Variants in CSF2RB observed in about 807,000 individuals in gnomAD.
CSF2RB encodes the protein cytokine receptor common subunit beta.
Under a neutral mutation model 67.2 loss-of-function variants are expected in CSF2RB, and 22 were observed. The observed-to-expected ratio is 0.33, with a 90% CI of 0.23 to 0.47. The LOEUF (loss-of-function observed/expected upper bound fraction) is 0.47, where lower values mean the gene tolerates loss of function less well. CSF2RB is among the 20% of genes least tolerant of loss of function. CSF2RB has a pLI of 1.00. For missense variants in CSF2RB, 1,113 were observed against 1,174.5 expected (o/e 0.95, Z 0.76); for synonymous variants, 507 against 482.9 (o/e 1.05, Z -0.65).
At chr22:36,918,207 T>G (rs1263905617) in intron 1 of CSF2RB, among the ~76,000 whole-genome samples, 1 of 152,262 alleles carries the variant, frequency 6.6e-6, no homozygotes, top group African/African-American at 2.4e-5. Context: ...GAGTAATTTC[T>G]TTCAGAAAAG....
intron 3 of CSF2RB, among the ~76,000 whole-genome samples, chr22:36,925,333 A>C (rs1337159525): frequency 6.6e-6 from 1 of 152,124 alleles, no homozygotes; most frequent in Non-Finnish European, 1.5e-5. Flanking sequence ...AAGCCTCGTA[A>C]CTGGGCTCCC....
chr22:36,936,842 A>G (rs1941277726), intron 13 of CSF2RB, among the ~76,000 whole-genome samples, 190 bp downstream of exon 13: 1 of 152,164 alleles, frequency 6.6e-6, no homozygotes, highest in African/African-American at 2.4e-5. Context: ...CAGGTAAGGA[A>G]GTGCCAGACA....
At chr22:36,918,416 T>G (rs1417356235) in intron 1 of CSF2RB, among the ~76,000 whole-genome samples, 1 of 152,308 alleles carries the variant, frequency 6.6e-6, no homozygotes, top group East Asian at 1.9e-4. Flanking sequence ...GTATCCTATT[T>G]GTTTTCTTCT....
rs570696362 is a variant in CSF2RB at position 36,937,786 on chromosome 22, CA to C, written c.1979del (p.Gln660ArgfsTer38). 1.3e-4 allele frequency: 211 copies of C among 1,586,144 alleles called. 2 individuals carry two copies. The East Asian group carries it at 4.7e-3, about 36-fold the overall frequency. On this transcript the variant is annotated frameshift_variant, in exon 14 of 14. Coordinates refer to ENST00000403662, the MANE Select transcript of CSF2RB (RefSeq NM_000395.3). LOFTEE classifies it low-confidence loss of function (END_TRUNC). This position sits in a 1 kb window ranked among gnomAD's most constrained non-coding sequence, Gnocchi z 4.6. Reference protein sequence around the residue: ...QAVEVERRPSQGAAGSPSLES... With the variant: ...QAVEVERRPSXGAAGSPSLES... ...CGTGGAAGTGGAGAGAAGGCCGAGC[CA>C]GGGGGCTGCAGGGAGTCCCTCCCTG...
In CSF2RB at chr22:36,930,283, G is replaced by T. The variant is rs2145807097; in HGVS notation, c.719-92G>T. 2.5e-6 allele frequency: 4 copies of T among 1,579,904 alleles called. No individual in the cohort carries two copies. In the East Asian group the frequency reaches 8.9e-5, roughly 35 times the overall value. ...CTGGTCTTTTGGCCCCAGAGCTCAT[G>T]ACCTCTGTGTGATGAATCACACGGT... On this transcript the variant is annotated intron_variant, in intron 6 of 13. Transcript: ENST00000403662.
At chr22:36,932,706 G>T in intron 8 of CSF2RB, 59 bp from the exon 9 acceptor site, 2 of 1,589,906 alleles carry the variant, frequency 1.3e-6, no homozygotes, top group East Asian at 2.2e-5. Flanking sequence ...ATGAGACACG[G>T]GGAATGTTCC....
chr22:36,934,749 A>T (rs1225414920), intron 10 of CSF2RB, among the ~76,000 whole-genome samples: 1 of 152,228 alleles, frequency 6.6e-6, no homozygotes, highest in African/African-American at 2.4e-5. Flanking sequence ...GTAAGGATAC[A>T]GGAGATATTG....
chr22:36,930,427 G>A lies in CSF2RB; in HGVS notation c.771G>A (p.Val257=). Residue 257 remains valine, a synonymous_variant, in exon 7 of 14, where the codon GTG becomes GTA. Coordinates refer to ENST00000403662, the MANE Select transcript of CSF2RB (RefSeq NM_000395.3). ...AGTGCTTCTTTGACGGGGCCGCCGT[G>A]CTCAGCTGCTCCTGGGAGGTGAGGA... ...NLECFFDGAA[V]LSCSWEVRKE... 6.2e-7 allele frequency: 1 copy of A among 1,613,718 alleles called. No individual in the cohort carries two copies. The highest frequency in any genetic ancestry group is 8.5e-7 in the Non-Finnish European group (1 of 1,180,020).
intron 6 of CSF2RB, 89 bp from the exon 7 acceptor site, chr22:36,930,286 C>T (rs2145807113): frequency 6.3e-7 from 1 of 1,586,438 alleles, no homozygotes; most frequent in Non-Finnish European, 8.6e-7. Flanking sequence ...AGCTCATGAC[C>T]TCTGTGTGAT....
At chr22:36,923,724 C>G in intron 3 of CSF2RB, 1 of 1,310,320 alleles carries the variant, frequency 7.6e-7, no homozygotes, top group Non-Finnish European at 1.0e-6. Flanking sequence ...GGCCACGAAG[C>G]CCCAGCTGTG....
At chr22:36,917,818 G>A (rs1426851691) in intron 1 of CSF2RB, among the ~76,000 whole-genome samples, 1 of 152,036 alleles carries the variant, frequency 6.6e-6, no homozygotes, top group Non-Finnish European at 1.5e-5. Flanking sequence ...AGCTACTTGG[G>A]AGGCTAAGTC....
At chr22:36,927,280 C>T (rs1038613213) in intron 4 of CSF2RB, among the ~76,000 whole-genome samples, 1 of 152,196 alleles carries the variant, frequency 6.6e-6, no homozygotes, top group Non-Finnish European at 1.5e-5. Flanking sequence ...CCCTTCCTTC[C>T]CGAATGGAGC....
At position 36,939,025 on chromosome 22, in the gene CSF2RB, G is replaced by T; in HGVS notation, c.*523G>T. On this transcript the variant is annotated 3_prime_UTR_variant, in exon 14 of 14. Transcript: ENST00000403662. ...GAGGCACCAGGTGGGCACCCGTGGG[G>T]GTTAGGGCTTGGAAGAGTGGCACAG... The T allele has an allele frequency of 1.5e-6, 1 of 651,050 alleles. No individual in the cohort carries two copies. Among genetic ancestry groups the T allele is most frequent in the Admixed American group, 2.2e-5 (1 of 45,428 alleles). The allele number at this position is 651,050 out of a possible 1,614,324, so 40.3% of individuals were successfully genotyped here. A position where few individuals can be genotyped will look rare whatever the true frequency, so the allele number is the denominator to read the frequency against.
intron 10 of CSF2RB, 132 bp from the exon 11 acceptor site, chr22:36,935,219 G>A (rs1204143947): frequency 1.2e-6 from 1 of 810,606 alleles, no homozygotes; most frequent in Non-Finnish European, 2.1e-6. Flanking sequence ...ATCCCCCAAG[G>A]CAGTAAGTTC....
intron 2 of CSF2RB, 26 bp downstream of exon 2, chr22:36,922,309 T>C (rs775213448): frequency 1.3e-6 from 2 of 1,554,184 alleles, no homozygotes; most frequent in Non-Finnish European, 1.7e-6. Flanking sequence ...CCCACCCACT[T>C]CCCTGTCCCT....
chr22:36,938,550 C>T lies in CSF2RB; in HGVS notation c.*48C>T, dbSNP rs1287714700. ...AGGGGATGGAGAGGGCTTGCCTTCC[C>T]TCCCGCCTGACCTTCCTCAGTCATT... On this transcript the variant is annotated 3_prime_UTR_variant, in exon 14 of 14. Transcript: ENST00000403662. 5 of 1,557,206 alleles carry T rather than the reference C, an allele frequency of 3.2e-6. No homozygotes were observed. The highest frequency in any genetic ancestry group is 2.6e-6 in the Non-Finnish European group (3 of 1,150,080).
intron 4 of CSF2RB, 21 bp downstream of exon 4, chr22:36,926,198 C>T: frequency 6.2e-7 from 1 of 1,612,368 alleles, no homozygotes; most frequent in Non-Finnish European, 8.5e-7. Flanking sequence ...GGGGGCCCTG[C>T]CCGGGGCTTG....
chr22:36,916,827 C>G (rs1940728090), intron 1 of CSF2RB, among the ~76,000 whole-genome samples: 1 of 152,148 alleles, frequency 6.6e-6, no homozygotes. Context: ...CCACTGCACT[C>G]CAGCCTGGGC....
In CSF2RB at chr22:36,935,889, T is replaced by C. The variant is rs567547906; in HGVS notation, c.1464+202T>C. 9.2e-5 allele frequency among the ~76,000 whole-genome samples: 14 copies of C among 152,314 alleles called. No homozygotes were observed. The South Asian group carries it at 2.9e-3, about 32-fold the overall frequency. Reference sequence around the variant, plus strand: ...TGGAGTGCCCACACCTGGCCCTGCCTGCCAGAGCTCTGCATGGAGCCCAGT... The same window carrying C: ...TGGAGTGCCCACACCTGGCCCTGCCCGCCAGAGCTCTGCATGGAGCCCAGT... On this transcript the variant is annotated intron_variant, in intron 12 of 13. Transcript: ENST00000403662.
Sources: allele counts gnomAD v4.1 joint callset (sites outside exome capture counted in the v4.1 genomes callset), GRCh38; gene constraint gnomAD v4.1.1; non-coding constraint Gnocchi (gnomAD v3.1); transcripts MANE v1.5; gene names NCBI Gene and HGNC (gene_info 2026-07-23, HGNC 2026-07-21).